Variants in USP49 observed in about 807,000 individuals in gnomAD.
The protein encoded by USP49 is ubiquitin specific peptidase 49.
USP49 carries 24 observed loss-of-function variants against 58.6 expected under a neutral mutation model. That is an observed-to-expected ratio of 0.41 (90% CI 0.30 to 0.58). The LOEUF (loss-of-function observed/expected upper bound fraction) is 0.58. Among genes scored for constraint, USP49 ranks in the 20% least tolerant of loss-of-function variants. The pLI, the probability that USP49 is intolerant of heterozygous loss-of-function variation, is 0.30. For missense variants in USP49, 703 were observed against 866.1 expected (o/e 0.81, Z 2.36); for synonymous variants, 408 against 365.1 (o/e 1.12, Z -1.34).
At chr6:41,819,584 C>G (rs534171289) in intron 3 of USP49, among the ~76,000 whole-genome samples, 1 of 152,248 alleles carries the variant, frequency 6.6e-6, no homozygotes, top group South Asian at 2.1e-4. Flanking sequence ...AGTTGTCAAG[C>G]ATTATTCAAA....
At chr6:41,833,109 C>T (rs1773664854) in intron 3 of USP49, 1 of 151,722 alleles carries the variant, frequency 6.6e-6, no homozygotes, top group Admixed American at 6.6e-5. Context: ...CTCCACCTCC[C>T]AGGTTTACAC....
chr6:41,884,701 T>C lies in USP49; in HGVS notation c.-103+7093A>G, dbSNP rs552921372. The stretch of plus-strand genomic sequence containing the variant: ...CATTAATTTATTCCATAAAAACTTA[T>C]TGAACACCTCTTAAGTGCCAAGAAC... On this transcript the variant is annotated intron_variant, in intron 2 of 7. Coordinates refer to ENST00000682992, the MANE Select transcript of USP49 (RefSeq NM_001286554.2). Among the ~76,000 whole-genome samples, 109 of 152,310 alleles carry C rather than the reference T, an allele frequency of 7.2e-4. 1 individual carries two copies. Among genetic ancestry groups the C allele is most frequent in the South Asian group, 4.1e-4 (2 of 4,824 alleles).
At chr6:41,797,716 T>G (rs1487294606) in intron 7 of USP49, 1 of 985,760 alleles carries the variant, frequency 1.0e-6, no homozygotes, top group African/African-American at 1.7e-5. Context: ...GTTACACAGG[T>G]TCTACTGTTT....
At chr6:41,815,145 G>A (rs574952632) in intron 3 of USP49, among the ~76,000 whole-genome samples, 1 of 152,268 alleles carries the variant, frequency 6.6e-6, no homozygotes, top group African/African-American at 2.4e-5. Context: ...AGGGGGCCGG[G>A]CGTGGTGGCT....
chr6:41,857,832 A>G (rs747900831), intron 3 of USP49, among the ~76,000 whole-genome samples: 7 of 152,238 alleles, frequency 4.6e-5, no homozygotes, highest in South Asian at 2.1e-4. Context: ...CATTACATGC[A>G]TACTTACATA....
intron 2 of USP49, among the ~76,000 whole-genome samples, chr6:41,879,267 C>T (rs935907263): frequency 6.6e-6 from 1 of 152,128 alleles, no homozygotes; most frequent in Non-Finnish European, 1.5e-5. Context: ...CTTCCTCTGT[C>T]GCCCAGGCTG....
At chr6:41,872,424 C>G (rs1046018369) in intron 2 of USP49, among the ~76,000 whole-genome samples, 1 of 152,190 alleles carries the variant, frequency 6.6e-6, no homozygotes, top group African/African-American at 2.4e-5. Context: ...GCCGCCGCCC[C>G]GTCTGGGAAG....
chr6:41,815,515 G>C (rs1334678316), intron 3 of USP49, among the ~76,000 whole-genome samples: 1 of 152,036 alleles, frequency 6.6e-6, no homozygotes, highest in Non-Finnish European at 1.5e-5. Flanking sequence ...GGTGGGAGAA[G>C]AGATTGCTGA....
rs1324310819 is a variant in USP49 at position 41,790,966 on chromosome 6, G to A, written c.*5567C>T. ...GAAACTTTTAAGCCATAGTATAGAT[G>A]CTAACCCCCATTTAGACCTGCATCA... On this transcript the variant is annotated 3_prime_UTR_variant, in exon 8 of 8. Transcript: ENST00000682992. 6.6e-6 allele frequency: 1 copy of A among 152,156 alleles called. No individual in the cohort carries two copies. Among genetic ancestry groups the A allele is most frequent in the Admixed American group, 6.5e-5 (1 of 15,268 alleles). The allele number at this position is 152,156 out of a possible 1,614,324, so 9.4% of individuals were successfully genotyped here.
chr6:41,845,465 A>C (rs1436967569), intron 3 of USP49, among the ~76,000 whole-genome samples: 27 of 152,092 alleles, frequency 1.8e-4, no homozygotes, highest in Middle Eastern at 6.8e-3. Flanking sequence ...GGTTGTGGTA[A>C]GCTGAGATGG....
rs142876035 is a variant in USP49 at position 41,806,321 on chromosome 6, C to T, written c.663G>A (p.Pro221=). 5.2e-6 allele frequency: 8 copies of T among 1,552,428 alleles called. No individual in the cohort carries two copies. In the African/African-American group the frequency reaches 5.4e-5, roughly 11 times the overall value. The stretch of plus-strand genomic sequence containing the variant: ...GGAGGGCGGCGGGGCGCGAGGCAGC[C>T]GGGCCCGCGTCGCGGGGCGTGTGCA... The part of the protein sequence containing the change: ...LLLHTPRDAG[P]AASRPAALPT... The change falls in exon 4 of 8, where the codon CCG becomes CCA. Residue 221 remains proline, a synonymous_variant. Transcript: ENST00000682992. This position sits in a 1 kb window ranked among gnomAD's most constrained non-coding sequence, Gnocchi z 5.9.
chr6:41,802,422 ATTTTAT>A (rs1367203381), intron 5 of USP49, among the ~76,000 whole-genome samples: 8 of 85,684 alleles, frequency 9.3e-5, no homozygotes, highest in African/African-American at 3.2e-4. Flanking sequence ...ATTTTATTTT[ATTTTAT>A]TTTATTTATT....
chr6:41,874,923 C>T (rs957690236), intron 2 of USP49, among the ~76,000 whole-genome samples: 60 of 152,048 alleles, frequency 3.9e-4, no homozygotes, highest in Admixed American at 2.0e-3. Flanking sequence ...GATTGCACCA[C>T]TGCACTCCAG....
At chr6:41,797,868 C>A (rs530523216) in intron 7 of USP49, 1 of 941,786 alleles carries the variant, frequency 1.1e-6, no homozygotes, top group East Asian at 1.2e-4. Flanking sequence ...GGCAACTGCT[C>A]TTCTTATTTA....
At chr6:41,799,332 C>T (rs1306876316) in intron 6 of USP49, among the ~76,000 whole-genome samples, 1 of 152,074 alleles carries the variant, frequency 6.6e-6, no homozygotes, top group Non-Finnish European at 1.5e-5. Context: ...GTCTCAAACT[C>T]CTGAGCTCAA....
chr6:41,796,792 C>T, intron 7 of USP49, 69 bp from the exon 8 acceptor site: 1 of 688,540 alleles, frequency 1.5e-6, no homozygotes, highest in East Asian at 2.7e-5. Flanking sequence ...CAGGCAAAAT[C>T]AGGAGATGAA....
chr6:41,790,166 T>G lies in USP49; in HGVS notation c.*6367A>C, dbSNP rs892809841. 2 of 152,184 alleles carry G rather than the reference T, an allele frequency of 1.3e-5. No homozygotes were observed. Among genetic ancestry groups the G allele is most frequent in the African/African-American group, 4.8e-5 (2 of 41,432 alleles). 9.4% of individuals were successfully genotyped at this position (152,184 alleles called of 1,614,324 possible). On this transcript the variant is annotated 3_prime_UTR_variant, in exon 8 of 8. Coordinates refer to ENST00000682992, the MANE Select transcript of USP49 (RefSeq NM_001286554.2). ...TATTAGGGGAAGAAGCCATTTGGTG[T>G]TGCATAGCATTTTAGTGCACCAGAT...
intron 2 of USP49, chr6:41,886,360 G>A (rs1196380709): frequency 6.6e-6 from 1 of 152,158 alleles, no homozygotes; most frequent in Non-Finnish European, 1.5e-5. Flanking sequence ...GTTCATAAAT[G>A]CTGATTCGCT....
At chr6:41,862,949 T>C (rs1365257657) in intron 3 of USP49, among the ~76,000 whole-genome samples, 2 of 152,048 alleles carry the variant, frequency 1.3e-5, no homozygotes, top group Admixed American at 6.6e-5. Context: ...AATTTTTTTT[T>C]GTATTTTATT....
Sources: gnomAD v4.1 joint callset for allele counts (sites outside exome capture counted in the v4.1 genomes callset) on GRCh38, gnomAD v4.1.1 for gene constraint, Gnocchi (gnomAD v3.1) non-coding constraint, MANE v1.5 for transcripts, NCBI Gene and HGNC (gene_info 2026-07-23, HGNC 2026-07-21) for gene names.